The following IL1RAPL2 variants were observed in gnomAD, a reference collection of about 807,000 sequenced individuals.
IL1RAPL2 encodes X-linked interleukin-1 receptor accessory protein-like 2.
Under a neutral mutation model 44.1 loss-of-function variants are expected in IL1RAPL2, and 3 were observed. The ratio of observed to expected loss-of-function variants is 0.07; its 90% CI spans 0.03 to 0.18. IL1RAPL2 has a LOEUF of 0.18. Ranked by LOEUF, IL1RAPL2 falls within the 10% of genes least tolerant of loss-of-function variation. IL1RAPL2 has a pLI of 1.00. For missense variants in IL1RAPL2, 391 were observed against 496.4 expected, an observed-to-expected ratio of 0.79 and a Z score of 2.02; for synonymous variants, 181 against 178.8, an observed-to-expected ratio of 1.01 and a Z score of -0.10.
intron 6 of IL1RAPL2, among the ~76,000 whole-genome samples, chrX:105,652,482 A>G (rs912043760): frequency 4.5e-5 from 5 of 111,253 alleles, no homozygotes; most frequent in Non-Finnish European, 1.9e-5. Context: ...CTTTCTCTTC[A>G]TTTTACTGAA....
chrX:105,223,149 C>CA (rs72008975), intron 3 of IL1RAPL2, among the ~76,000 whole-genome samples: 2,477 of 67,170 alleles, frequency 0.037, 82 homozygotes, highest in African/African-American at 0.11. Context: ...GATTCAGTCT[C>CA]AAAAAAAAAA....
chrX:104,949,425 C>G (rs1177703254), intron 2 of IL1RAPL2, among the ~76,000 whole-genome samples: 2 of 108,499 alleles, frequency 1.8e-5, no homozygotes, highest in African/African-American at 6.7e-5. Flanking sequence ...TCCTTCAGTT[C>G]TGCTCTGATT....
chrX:105,162,912 A>G (rs1342467495), intron 2 of IL1RAPL2, among the ~76,000 whole-genome samples: 1 of 111,324 alleles, frequency 9.0e-6, no homozygotes, highest in African/African-American at 3.3e-5. Flanking sequence ...ACCTCCTCAA[A>G]GGCCGCACCT....
chrX:105,562,412 A>G (rs2036944810), intron 6 of IL1RAPL2, among the ~76,000 whole-genome samples: 1 of 110,105 alleles, frequency 9.1e-6, no homozygotes, highest in Non-Finnish European at 1.9e-5. Context: ...GTGAGGTGAT[A>G]GATATATTAA....
intron 9 of IL1RAPL2, among the ~76,000 whole-genome samples, chrX:105,753,146 A>T (rs1373296951): frequency 9.0e-6 from 1 of 111,462 alleles, no homozygotes; most frequent in Non-Finnish European, 1.9e-5. Context: ...TAAGGACAGA[A>T]CCAAGAATAT....
chrX:104,876,716 CTTTTA>C (rs1435043064), intron 2 of IL1RAPL2, among the ~76,000 whole-genome samples: 2 of 44,478 alleles, frequency 4.5e-5, no homozygotes, highest in Non-Finnish European at 8.3e-5. Context: ...GTAACAATTT[CTTTTA>C]TTATTATTAT....
chrX:104,683,834 A>T (rs896090373), intron 2 of IL1RAPL2, among the ~76,000 whole-genome samples: 9 of 112,103 alleles, frequency 8.0e-5, no homozygotes, highest in African/African-American at 2.9e-4. Flanking sequence ...TTTCCTTCTC[A>T]TGGAGATTGA....
intron 5 of IL1RAPL2, among the ~76,000 whole-genome samples, chrX:105,313,552 G>A (rs2034814401): frequency 9.0e-6 from 1 of 111,433 alleles, no homozygotes; most frequent in Non-Finnish European, 1.9e-5. Context: ...CTAAAGAGAT[G>A]CATCTCACTG....
At chrX:105,212,390 G>A (rs1221040039) in intron 3 of IL1RAPL2, among the ~76,000 whole-genome samples, 2 of 111,831 alleles carry the variant, frequency 1.8e-5, no homozygotes, top group Non-Finnish European at 3.8e-5. Context: ...CAAAGCGGCT[G>A]TGGCCAGGCT....
intron 1 of IL1RAPL2, among the ~76,000 whole-genome samples, chrX:104,635,819 G>A (rs1240823671): frequency 1.5e-4 from 16 of 109,326 alleles, no homozygotes; most frequent in African/African-American, 3.7e-4. Flanking sequence ...TAGTTTGATC[G>A]TCTGAAGCCT....
At chrX:105,175,986 A>G (rs185476339) in intron 2 of IL1RAPL2, among the ~76,000 whole-genome samples, 98 of 111,234 alleles carry the variant, frequency 8.8e-4, no homozygotes, top group African/African-American at 3.0e-3. Context: ...AAATTATTAA[A>G]TAATATAATA....
At chrX:104,808,986 C>G (rs1932946351) in intron 2 of IL1RAPL2, among the ~76,000 whole-genome samples, 1 of 111,578 alleles carries the variant, frequency 9.0e-6, no homozygotes, top group Admixed American at 9.5e-5. Flanking sequence ...TGAGGTCCCT[C>G]ATTTTACAGA....
chrX:105,269,608 T>G (rs1890619103), intron 5 of IL1RAPL2, among the ~76,000 whole-genome samples: 1 of 111,507 alleles, frequency 9.0e-6, no homozygotes, highest in African/African-American at 3.3e-5. Flanking sequence ...TTGATTAGTT[T>G]CTGATTTCTT....
At chrX:104,887,559 T>C (rs755292588) in intron 2 of IL1RAPL2, among the ~76,000 whole-genome samples, 1 of 111,265 alleles carries the variant, frequency 9.0e-6, no homozygotes, top group Non-Finnish European at 1.9e-5. Context: ...AATGGCATAC[T>C]AGGTGCCAAA....
intron 2 of IL1RAPL2, among the ~76,000 whole-genome samples, chrX:104,886,178 C>G (rs764545462): frequency 1.8e-5 from 2 of 112,921 alleles, no homozygotes; most frequent in Admixed American, 9.3e-5. Context: ...AGACTTTGCT[C>G]TTTTCACATG....
intron 5 of IL1RAPL2, among the ~76,000 whole-genome samples, chrX:105,447,364 A>T (rs1333787905): frequency 1.1e-4 from 7 of 64,150 alleles, no homozygotes; most frequent in Non-Finnish European, 1.3e-4. Flanking sequence ...TAAATATATA[A>T]ATATAAATAT....
At chrX:104,647,608 C>T (rs1356391540) in intron 1 of IL1RAPL2, 6 of 525,064 alleles carry the variant, frequency 1.1e-5, no homozygotes, top group African/African-American at 2.3e-5. Flanking sequence ...CAAAGTGAGA[C>T]ACCACCGACT....
At chrX:105,630,955 G>A (rs1002430318) in intron 6 of IL1RAPL2, among the ~76,000 whole-genome samples, 5 of 110,640 alleles carry the variant, frequency 4.5e-5, no homozygotes, top group African/African-American at 6.6e-5. Flanking sequence ...AAGTTCCCTC[G>A]CTGCGATTCC....
At chrX:105,376,853 A>T (rs1038801641) in intron 5 of IL1RAPL2, among the ~76,000 whole-genome samples, 3 of 112,296 alleles carry the variant, frequency 2.7e-5, no homozygotes, top group African/African-American at 3.2e-5. Flanking sequence ...GTTGATTGTC[A>T]ATCAGTGGAC....
Sources: gnomAD v4.1 joint callset for allele counts (sites outside exome capture counted in the v4.1 genomes callset) on GRCh38, gnomAD v4.1.1 for gene constraint, MANE v1.5 for transcripts, NCBI Gene and HGNC (gene_info 2026-07-23, HGNC 2026-07-21) for gene names.